RBM26: variants seen among roughly 807,000 people sequenced by gnomAD.
RBM26 encodes RNA binding motif protein 26, also known as RNA-binding protein 26.
RBM26 carries 30 observed loss-of-function variants against 123.6 expected under a neutral mutation model. The ratio of observed to expected loss-of-function variants is 0.24; its 90% CI spans 0.18 to 0.33. The LOEUF is 0.33. Ranked by LOEUF, RBM26 falls within the 10% of genes least tolerant of loss-of-function variation. RBM26 has a pLI of 1.00. For missense variants in RBM26, 947 were observed against 1,203.6 expected (o/e 0.79, Z 3.15); for synonymous variants, 400 against 404.4 (o/e 0.99, Z 0.13).
intron 13 of RBM26, among the ~76,000 whole-genome samples, chr13:79,354,191 T>C (rs1241008520): frequency 6.6e-6 from 1 of 152,040 alleles, no homozygotes; most frequent in African/African-American, 2.4e-5. Flanking sequence ...GAGAAATCTT[T>C]CTCATAAATA....
chr13:79,346,900 T>C (rs1035873167), intron 14 of RBM26, among the ~76,000 whole-genome samples: 2 of 152,138 alleles, frequency 1.3e-5, no homozygotes, highest in African/African-American at 2.4e-5. Flanking sequence ...AGTTGAAAAG[T>C]TGTGGCCAAA....
At chr13:79,355,659 T>G (rs2073887953) in intron 11 of RBM26, among the ~76,000 whole-genome samples, 1 of 152,238 alleles carries the variant, frequency 6.6e-6, no homozygotes, top group Admixed American at 6.5e-5. Context: ...TCTCTTTTTA[T>G]TCCCAATTTT....
rs1456753103 is a variant in RBM26 at position 79,355,054 on chromosome 13, G to A, written c.1854+166C>T. Among the ~76,000 whole-genome samples the A allele has an allele frequency of 3.9e-5, 6 of 152,168 alleles. No homozygotes were observed. The East Asian group carries it at 1.2e-3, about 29-fold the overall frequency. The stretch of plus-strand genomic sequence containing the variant: ...TAACATCACAATTATGAGAGAACAG[G>A]TTAGAAAGGTTGAGTAAATTTTTCA... On this transcript the variant is annotated intron_variant, in intron 12 of 21. Transcript: ENST00000438737.
intron 20 of RBM26, among the ~76,000 whole-genome samples, chr13:79,325,761 G>A (rs1041299722): frequency 1.3e-5 from 2 of 152,166 alleles, no homozygotes; most frequent in East Asian, 1.9e-4. Flanking sequence ...TCTAAAGTAC[G>A]AGTTTATAAA....
chr13:79,335,290 C>A (rs1404392713), intron 19 of RBM26, among the ~76,000 whole-genome samples: 1 of 152,060 alleles, frequency 6.6e-6, no homozygotes, highest in Non-Finnish European at 1.5e-5. Context: ...TTAACCTCAT[C>A]ATGCATCATT....
In RBM26 at chr13:79,353,174, T is replaced by G; in HGVS notation, c.2037A>C (p.Pro679=). Residue 679 remains proline, a synonymous_variant, in exon 14 of 22, where the codon CCA becomes CCC. Coordinates refer to ENST00000438737, the MANE Select transcript of RBM26 (RefSeq NM_001366735.2). Reference sequence around the variant, plus strand: ...TTACCTTTTCAGTTGCTGAAACAGATGGCTTTGATACAAAACCCAACCTGT... The same window carrying G: ...TTACCTTTTCAGTTGCTGAAACAGAGGGCTTTGATACAAAACCCAACCTGT... ...VKDRLGFVSK[P]SVSATEKVLS... The G allele has an allele frequency of 6.3e-7, 1 of 1,592,994 alleles. No individual in the cohort carries two copies. Among genetic ancestry groups the G allele is most frequent in the Non-Finnish European group, 8.6e-7 (1 of 1,168,860 alleles).
At chr13:79,382,276 G>A (rs1028646120) in intron 1 of RBM26, among the ~76,000 whole-genome samples, 5 of 152,082 alleles carry the variant, frequency 3.3e-5, no homozygotes, top group East Asian at 3.9e-4. Flanking sequence ...AAGATTGTTC[G>A]AGGTACTTTA....
chr13:79,386,611 AG>A (rs1273501635), intron 1 of RBM26, among the ~76,000 whole-genome samples: 1 of 139,326 alleles, frequency 7.2e-6, no homozygotes, highest in Non-Finnish European at 1.6e-5. Flanking sequence ...AAAAAAAAAA[AG>A]GTGTATCTGC....
At chr13:79,396,568 G>C (rs1451280757) in intron 1 of RBM26, among the ~76,000 whole-genome samples, 3 of 151,934 alleles carry the variant, frequency 2.0e-5, no homozygotes, top group Non-Finnish European at 2.9e-5. Flanking sequence ...TACCTACACA[G>C]CCCTATACCT....
At chr13:79,343,758 T>TG (rs1484268946) in intron 16 of RBM26, among the ~76,000 whole-genome samples, 1 of 151,944 alleles carries the variant, frequency 6.6e-6, no homozygotes, top group Non-Finnish European at 1.5e-5. Context: ...CAACAATTAT[T>TG]GTGATGTTTT....
At chr13:79,381,782 C>T (rs1230150707) in intron 1 of RBM26, among the ~76,000 whole-genome samples, 1 of 152,058 alleles carries the variant, frequency 6.6e-6, no homozygotes, top group Non-Finnish European at 1.5e-5. Flanking sequence ...TCAACATCTT[C>T]TGTAGAAGCA....
Position 79,405,695 on chromosome 13 carries a change from G to C in RBM26, c.71+9C>G, listed in dbSNP as rs771876169. 3.2e-6 allele frequency: 5 copies of C among 1,578,214 alleles called. No homozygotes were observed. The highest frequency in any genetic ancestry group is 4.3e-6 in the Non-Finnish European group (5 of 1,156,528). On this transcript the variant is annotated intron_variant, in intron 1 of 21. Coordinates refer to ENST00000438737, the MANE Select transcript of RBM26 (RefSeq NM_001366735.2). ...CATCCCTGCAAAGAGATATCCCCCG[G>C]ATACTCACATGGGCTCGAGAGTCTT...
chr13:79,394,407 A>C (rs1462938934), intron 1 of RBM26, among the ~76,000 whole-genome samples: 2 of 152,100 alleles, frequency 1.3e-5, no homozygotes, highest in Middle Eastern at 3.2e-3. Context: ...AGTCCTCTAG[A>C]GGTTACTACT....
chr13:79,341,013 T>C (rs2071286403), intron 18 of RBM26, 110 bp downstream of exon 18: 1 of 596,500 alleles, frequency 1.7e-6, no homozygotes, highest in Non-Finnish European at 2.8e-6. Context: ...ATGCCAGGGA[T>C]TACCAACAAT....
chr13:79,337,010 C>T (rs536168891), intron 19 of RBM26, 92 bp downstream of exon 19: 6 of 1,203,446 alleles, frequency 5.0e-6, no homozygotes, highest in East Asian at 5.1e-5. Flanking sequence ...GTTGAAATTA[C>T]TTATGTCCTT....
At chr13:79,360,081 G>A (rs1241348857) in intron 9 of RBM26, among the ~76,000 whole-genome samples, 2 of 152,092 alleles carry the variant, frequency 1.3e-5, no homozygotes, top group Admixed American at 1.3e-4. Context: ...ATATTTGACA[G>A]AGAAAGACAG....
In RBM26 at chr13:79,367,406, C is replaced by CAAAA. The variant is rs776345304; in HGVS notation, c.896-538_896-535dup. 9.8e-4 allele frequency among the ~76,000 whole-genome samples: 39 copies of CAAAA among 39,656 alleles called. 2 individuals carry two copies. Among genetic ancestry groups the CAAAA allele is most frequent in the Non-Finnish European group, 1.4e-3 (22 of 15,652 alleles). The allele number at this position is 39,656 out of a possible 152,430, so 26.0% of individuals were successfully genotyped here. A position where few individuals can be genotyped will look rare whatever the true frequency, so the allele number is the denominator to read the frequency against. On this transcript the variant is annotated intron_variant, in intron 6 of 21. Transcript: ENST00000438737. ...TGGGGTATAGGGGGAGACTCCATCT[C>CAAAA]AAAAAAAAAAAAAAAAAAAAAAAAA...
chr13:79,348,980 G>T (rs1228001585), intron 14 of RBM26, among the ~76,000 whole-genome samples: 1 of 151,824 alleles, frequency 6.6e-6, no homozygotes, highest in Non-Finnish European at 1.5e-5. Context: ...CTTATGATGG[G>T]GCTATATCCA....
intron 20 of RBM26, among the ~76,000 whole-genome samples, chr13:79,331,085 G>A (rs9545070): frequency 1 from 151,982 of 152,256 alleles, 75,855 homozygotes; most frequent in East Asian, 1. Context: ...ATCTCAGCTC[G>A]CTGCAACCTC....
Sources: allele counts gnomAD v4.1 joint callset (sites outside exome capture counted in the v4.1 genomes callset), GRCh38; gene constraint gnomAD v4.1.1; transcripts MANE v1.5; gene names NCBI Gene and HGNC (gene_info 2026-07-23, HGNC 2026-07-21).